Variants in CCSER2 observed in about 807,000 individuals in gnomAD.
The protein encoded by CCSER2 is serine-rich coiled-coil domain-containing protein 2.
In CCSER2, 46 loss-of-function variants were observed where a neutral mutation model predicts 92.3. The observed-to-expected ratio is 0.50, with a 90% CI of 0.39 to 0.64. The LOEUF is 0.64. Among genes scored for constraint, CCSER2 ranks in the 30% least tolerant of loss-of-function variants. The pLI is 0.00. For synonymous variants in CCSER2, 433 were observed against 431.4 expected (o/e 1.00, Z -0.04); for missense variants, 1,244 against 1,238.9 (o/e 1.00, Z -0.06).
intron 1 of CCSER2, among the ~76,000 whole-genome samples, chr10:84,360,983 T>G (rs1845469925): frequency 1.3e-5 from 2 of 152,212 alleles, no homozygotes. Flanking sequence ...TTTTTTCCTG[T>G]GCCCCTGGGT....
chr10:84,494,455 A>G (rs757793544), intron 9 of CCSER2, among the ~76,000 whole-genome samples: 16 of 152,096 alleles, frequency 1.1e-4, no homozygotes, highest in Non-Finnish European at 2.4e-4. Flanking sequence ...CCAGTGACTC[A>G]TCCGGTGACT....
intron 6 of CCSER2, among the ~76,000 whole-genome samples, chr10:84,451,490 T>C (rs1845289627): frequency 6.6e-6 from 1 of 152,164 alleles, no homozygotes; most frequent in Non-Finnish European, 1.5e-5. Context: ...GAAAATTTAT[T>C]AGTTTAGGAA....
chr10:84,378,094 G>C (rs1846436160), intron 3 of CCSER2, among the ~76,000 whole-genome samples: 1 of 152,166 alleles, frequency 6.6e-6, no homozygotes, highest in Non-Finnish European at 1.5e-5. Flanking sequence ...AATTGAAATG[G>C]TGATAGAATT....
chr10:84,344,341 A>C (rs1564581738), intron 1 of CCSER2, among the ~76,000 whole-genome samples: 1 of 152,104 alleles, frequency 6.6e-6, no homozygotes, highest in Non-Finnish European at 1.5e-5. Flanking sequence ...TGAATATTTT[A>C]CAAAAGTATT....
At position 84,457,369 on chromosome 10, in the gene CCSER2, AAT is replaced by A. The variant is rs1248006004; in HGVS notation, c.2065-6557_2065-6556del. On this transcript the variant is annotated intron_variant, in intron 6 of 9. Coordinates refer to ENST00000372088, the MANE Select transcript of CCSER2 (RefSeq NM_001284240.2). ...ATATATAATATATATATTTATTTTA[AAT>A]ATATATTTTAAATATATATTTATTT... Among the ~76,000 whole-genome samples the A allele has an allele frequency of 2.6e-4, 24 of 91,042 alleles. 1 individual carries two copies. The highest frequency in any genetic ancestry group is 8.6e-4 in the Admixed American group (5 of 5,836). The allele number at this position is 91,042 out of a possible 152,430, so 59.7% of individuals were successfully genotyped here.
At chr10:84,408,733 G>C (rs1209225342) in intron 3 of CCSER2, among the ~76,000 whole-genome samples, 2 of 152,142 alleles carry the variant, frequency 1.3e-5, no homozygotes, top group Non-Finnish European at 2.9e-5. Context: ...CCCTGCTCTG[G>C]ACTTAGAGCA....
intron 1 of CCSER2, among the ~76,000 whole-genome samples, chr10:84,356,505 C>G (rs1442784525): frequency 1.3e-5 from 2 of 152,126 alleles, no homozygotes; most frequent in Non-Finnish European, 2.9e-5. Context: ...GCGCTATACT[C>G]TATTTCTTTT....
chr10:84,363,492 A>G (rs1264501970), intron 1 of CCSER2, among the ~76,000 whole-genome samples: 1 of 152,220 alleles, frequency 6.6e-6, no homozygotes, highest in African/African-American at 2.4e-5. Context: ...AGTCATCAGT[A>G]TTGTTGTTCA....
At chr10:84,341,800 A>G (rs1319505762) in intron 1 of CCSER2, among the ~76,000 whole-genome samples, 1 of 152,174 alleles carries the variant, frequency 6.6e-6, no homozygotes, top group Non-Finnish European at 1.5e-5. Flanking sequence ...ACTTAGGGAA[A>G]CACTTCACTT....
At chr10:84,389,134 C>T (rs1322069379) in intron 3 of CCSER2, 3 of 221,386 alleles carry the variant, frequency 1.4e-5, no homozygotes, top group South Asian at 1.1e-4. Context: ...GTCAAATGAT[C>T]CTTTATTGAA....
rs375626713 is a variant in CCSER2, at chr10:84,371,672, C to A, written c.620C>A (p.Pro207Gln). 5.9e-5 allele frequency: 96 copies of A among 1,613,670 alleles called. No individual in the cohort carries two copies. Among genetic ancestry groups the A allele is most frequent in the Non-Finnish European group, 7.8e-5 (92 of 1,179,890 alleles). Residue 207 changes from proline (P) to glutamine (Q), a missense_variant, in exon 2 of 10, where the codon CCA (proline) becomes CAA (glutamine). Physicochemically the swap from Pro to Gln is moderately conservative, Grantham distance 76. Coordinates refer to ENST00000372088, the MANE Select transcript of CCSER2 (RefSeq NM_001284240.2). Reference sequence around the variant, plus strand: ...TCTGGAGAAAGCTTAGCTCAATCCCCAGACAGTAGTAAATCTATTAATTGT... The same window carrying A: ...TCTGGAGAAAGCTTAGCTCAATCCCAAGACAGTAGTAAATCTATTAATTGT... The part of the protein sequence containing the change: ...SSSGESLAQS[P>Q]DSSKSINCEK...
At chr10:84,405,958 A>T (rs6585857) in intron 3 of CCSER2, among the ~76,000 whole-genome samples, 18,628 of 152,204 alleles carry the variant, frequency 0.12, 3,312 homozygotes, top group African/African-American at 0.39. Context: ...TTACCATAGA[A>T]AAATGAGAGC....
chr10:84,466,846 T>G (rs933290176), intron 7 of CCSER2, among the ~76,000 whole-genome samples: 1 of 152,104 alleles, frequency 6.6e-6, no homozygotes, highest in Admixed American at 6.6e-5. Flanking sequence ...TATATTTGTC[T>G]CATTCTTACT....
At chr10:84,464,801 CTT>C (rs1301823335) in intron 7 of CCSER2, among the ~76,000 whole-genome samples, 2 of 152,090 alleles carry the variant, frequency 1.3e-5, no homozygotes, top group African/African-American at 4.8e-5. Context: ...GGGAAGAGAA[CTT>C]TGATAGGATC....
At chr10:84,413,570 T>A (rs1474601101) in intron 3 of CCSER2, among the ~76,000 whole-genome samples, 1 of 152,176 alleles carries the variant, frequency 6.6e-6, no homozygotes, top group Non-Finnish European at 1.5e-5. Context: ...GATTATGTGA[T>A]CAATTTTGGA....
At position 84,515,933 on chromosome 10, in the gene CCSER2, A is replaced by C. The variant is rs1462939066; in HGVS notation, c.*1666A>C. The C allele has an allele frequency of 2.0e-5, 3 of 152,126 alleles. No individual in the cohort carries two copies. Among genetic ancestry groups the C allele is most frequent in the African/African-American group, 7.2e-5 (3 of 41,432 alleles). 9.4% of individuals were successfully genotyped at this position (152,126 alleles called of 1,614,324 possible). On this transcript the variant is annotated 3_prime_UTR_variant, in exon 10 of 10. Coordinates refer to ENST00000372088, the MANE Select transcript of CCSER2 (RefSeq NM_001284240.2). ...TAAATCTGCCTTCCTCTTCTCCCAA[A>C]TCATGTCATCTTTAGGTTGTTCACC...
Position 84,514,204 on chromosome 10 carries a change from G to A in CCSER2, c.3081G>A (p.Leu1027=). 4 of 1,536,474 alleles carry A rather than the reference G, an allele frequency of 2.6e-6. No individual in the cohort carries two copies. The highest frequency in any genetic ancestry group is 3.5e-6 in the Non-Finnish European group (4 of 1,146,992). ...TCATGCAGAATCCAAATGGCAATTT[G>A]CATTCTGGGGATTGTTTGGCCTCTA... ...KEIMQNPNGN[L]HSGDCLASNR... The change falls in exon 10 of 10, where the codon TTG becomes TTA. Residue 1027 remains leucine, a synonymous_variant. Coordinates refer to ENST00000372088, the MANE Select transcript of CCSER2 (RefSeq NM_001284240.2).
chr10:84,339,988 C>T (rs1331909938), intron 1 of CCSER2, among the ~76,000 whole-genome samples: 2 of 151,886 alleles, frequency 1.3e-5, no homozygotes, highest in African/African-American at 4.8e-5. Context: ...ATTACAGGTG[C>T]ATGCCACCAC....
intron 9 of CCSER2, among the ~76,000 whole-genome samples, chr10:84,497,689 G>A (rs1848523437): frequency 6.6e-6 from 1 of 152,114 alleles, no homozygotes; most frequent in Non-Finnish European, 1.5e-5. Flanking sequence ...TATAGAAGGT[G>A]GGACATCTAA....
Sources: gnomAD v4.1 joint callset for allele counts (sites outside exome capture counted in the v4.1 genomes callset) on GRCh38, gnomAD v4.1.1 for gene constraint, MANE v1.5 for transcripts, NCBI Gene and HGNC (gene_info 2026-07-23, HGNC 2026-07-21) for gene names.